FOXP1: variants seen among roughly 807,000 people sequenced by gnomAD.
FOXP1 encodes the protein forkhead box protein P1.
A neutral mutation model predicts 98.2 loss-of-function variants in FOXP1; 15 were observed. The ratio of observed to expected loss-of-function variants is 0.15; its 90% confidence interval spans 0.10 to 0.24. The LOEUF is 0.24. Ranked by LOEUF, FOXP1 falls within the 10% of genes least tolerant of loss-of-function variation. The probability of loss-of-function intolerance (pLI) is 1.00; values close to 1 mark genes in which losing one functional copy is unlikely to be tolerated. For missense variants in FOXP1, 633 were observed against 848.5 expected, an observed-to-expected ratio of 0.75 and a Z score of 3.15; for synonymous variants, 371 against 314.5, an observed-to-expected ratio of 1.18 and a Z score of -1.90.
chr3:71,109,262 T>C (rs1465060507), intron 7 of FOXP1, among the ~76,000 whole-genome samples: 1 of 152,230 alleles, frequency 6.6e-6, no homozygotes, highest in Non-Finnish European at 1.5e-5. Flanking sequence ...TGTTTGACTA[T>C]ATTTTATGAT....
chr3:71,186,864 C>CAG (rs2062678304), intron 6 of FOXP1, among the ~76,000 whole-genome samples: 1 of 152,234 alleles, frequency 6.6e-6, no homozygotes. Context: ...ATCTGCCATT[C>CAG]ATTAATCCAG....
chr3:71,282,602 T>C (rs2071687043), intron 5 of FOXP1, among the ~76,000 whole-genome samples: 3 of 150,632 alleles, frequency 2.0e-5, no homozygotes, highest in South Asian at 2.1e-4. Flanking sequence ...TAGTTTAGTA[T>C]CTATTTTTGC....
chr3:71,289,511 G>GC (rs1256408918), intron 5 of FOXP1: 1 of 151,106 alleles, frequency 6.6e-6, no homozygotes, highest in Non-Finnish European at 1.5e-5. Flanking sequence ...GAGCCCCCAT[G>GC]CTCAGCTTTG....
At chr3:71,160,203 A>G (rs1265237461) in intron 6 of FOXP1, among the ~76,000 whole-genome samples, 1 of 151,734 alleles carries the variant, frequency 6.6e-6, no homozygotes, top group Admixed American at 6.6e-5. Context: ...TTTTTCCCCA[A>G]CTTGGGCCTA....
chr3:71,233,592 C>CCT (rs1487832923), intron 5 of FOXP1, among the ~76,000 whole-genome samples: 1 of 108,682 alleles, frequency 9.2e-6, no homozygotes, highest in Non-Finnish European at 1.8e-5. Context: ...ATGTTTGACT[C>CCT]TTTTTTTTTT....
intron 7 of FOXP1, among the ~76,000 whole-genome samples, chr3:71,088,265 A>G (rs2055359576): frequency 6.6e-6 from 1 of 152,248 alleles, no homozygotes; most frequent in Admixed American, 6.5e-5. Flanking sequence ...CTCAAAGACC[A>G]TTTCCTCAGA....
chr3:71,196,745 C>A (rs1182204074), intron 6 of FOXP1, among the ~76,000 whole-genome samples: 1 of 152,212 alleles, frequency 6.6e-6, no homozygotes, highest in African/African-American at 2.4e-5. Flanking sequence ...TGCTAACAAC[C>A]TCACTGGTTG....
intron 6 of FOXP1, among the ~76,000 whole-genome samples, chr3:71,171,949 G>A (rs1439555089): frequency 6.6e-6 from 1 of 152,158 alleles, no homozygotes; most frequent in Non-Finnish European, 1.5e-5. Context: ...TGCAGAAAAG[G>A]CACTTTCTAA....
intron 5 of FOXP1, among the ~76,000 whole-genome samples, chr3:71,295,560 A>C (rs1328952371): frequency 7.1e-6 from 1 of 141,500 alleles, no homozygotes; most frequent in African/African-American, 2.5e-5. Context: ...AAATAACCTG[A>C]CTTTAAAAAA....
intron 2 of FOXP1, among the ~76,000 whole-genome samples, chr3:71,532,688 C>CT (rs1299800152): frequency 1.3e-5 from 2 of 152,014 alleles, no homozygotes; most frequent in Non-Finnish European, 2.9e-5. Context: ...GGGCCTCCCT[C>CT]TTTTTTTTCT....
intron 6 of FOXP1, among the ~76,000 whole-genome samples, chr3:71,175,411 T>C (rs2061887303): frequency 6.6e-6 from 1 of 152,230 alleles, no homozygotes; most frequent in Admixed American, 6.5e-5. Context: ...GCCTCTCCAA[T>C]AGCAGCCCCA....
intron 3 of FOXP1, among the ~76,000 whole-genome samples, chr3:71,450,475 G>A (rs184854001): frequency 6.6e-6 from 1 of 152,196 alleles, no homozygotes; most frequent in Non-Finnish European, 1.5e-5. Context: ...GCAAATTTGT[G>A]TACGATTTTG....
intron 14 of FOXP1, among the ~76,000 whole-genome samples, chr3:70,982,347 GAT>G (rs1374873573): frequency 2.0e-5 from 3 of 152,170 alleles, no homozygotes; most frequent in Non-Finnish European, 4.4e-5. Context: ...GGTTTTAAAA[GAT>G]AATTTTTTCT....
At chr3:70,979,316 A>AAAAAAAAAAAAAAAAAAAAAAAG (rs1553670621) in intron 14 of FOXP1, among the ~76,000 whole-genome samples, 1 of 96,506 alleles carries the variant, frequency 1.0e-5, no homozygotes, top group African/African-American at 4.3e-5. Flanking sequence ...AAAAAAAAAA[A>AAAAAAAAAAAAAAAAAAAAAAAG]AAAAGAAAAA....
Position 71,582,475 on chromosome 3 carries a change from T to G in FOXP1, c.-446-778A>C, listed in dbSNP as rs1189538706. 4.1e-6 allele frequency: 4 copies of G among 984,388 alleles called. No homozygotes were observed. The African/African-American group carries it at 7.0e-5, about 17-fold the overall frequency. The allele number at this position is 984,388 out of a possible 1,614,324, so 61.0% of individuals were successfully genotyped here. ...GGGACAGGAATAGAGCGCAGGGAGC[T>G]CGGGAGGAAGGCTGCGCGCAAGCGA... On this transcript the variant is annotated intron_variant, in intron 1 of 20. Transcript: ENST00000649528.
chr3:71,557,212 G>A (rs1423654131), intron 2 of FOXP1, among the ~76,000 whole-genome samples: 1 of 152,080 alleles, frequency 6.6e-6, no homozygotes, highest in African/African-American at 2.4e-5. Context: ...TTTCTGAACT[G>A]GGAAATGACT....
intron 3 of FOXP1, among the ~76,000 whole-genome samples, chr3:71,361,981 A>G (rs1225713415): frequency 1.3e-5 from 2 of 152,196 alleles, no homozygotes; most frequent in African/African-American, 4.8e-5. Flanking sequence ...GTCAAGGACA[A>G]AGTGACAGGT....
At chr3:70,985,655 T>C (rs1247601179) in intron 14 of FOXP1, among the ~76,000 whole-genome samples, 2 of 152,166 alleles carry the variant, frequency 1.3e-5, no homozygotes, top group East Asian at 3.8e-4. Flanking sequence ...ATGCTGCCTG[T>C]GAAGGGAACC....
chr3:71,186,848 T>C (rs1303381540), intron 6 of FOXP1, among the ~76,000 whole-genome samples: 13 of 152,272 alleles, frequency 8.5e-5, no homozygotes, highest in Admixed American at 7.8e-4. Flanking sequence ...AGGCAAATCT[T>C]GTCACATCTG....
Sources: gnomAD v4.1 joint callset for allele counts (sites outside exome capture counted in the v4.1 genomes callset) on GRCh38, gnomAD v4.1.1 for gene constraint, MANE v1.5 for transcripts, NCBI Gene and HGNC (gene_info 2026-07-23, HGNC 2026-07-21) for gene names.